CD300A: variants seen among roughly 807,000 people sequenced by gnomAD.
CD300A encodes the protein CD300a molecule, also known as CMRF35-like molecule 8.
Under a neutral mutation model 33.6 loss-of-function variants are expected in CD300A, and 22 were observed. The observed-to-expected ratio is 0.66, with a 90% CI of 0.47 to 0.94. The LOEUF is 0.94. Ranked by LOEUF, CD300A falls within the 40% of genes least tolerant of loss-of-function variation. The pLI, the probability that CD300A is intolerant of heterozygous loss-of-function variation, is 0.00. For synonymous variants in CD300A, 136 were observed against 148.1 expected (o/e 0.92, Z 0.59); for missense variants, 326 against 360.5 (o/e 0.90, Z 0.77).
intron 1 of CD300A, among the ~76,000 whole-genome samples, chr17:74,469,773 C>T (rs939273785): frequency 6.6e-6 from 1 of 152,016 alleles, no homozygotes; most frequent in Non-Finnish European, 1.5e-5. Context: ...TGCAGTGAGC[C>T]GAGATCATGC....
chr17:74,469,895 A>G (rs1905981723), intron 1 of CD300A: 1 of 886,412 alleles, frequency 1.1e-6, no homozygotes, highest in South Asian at 5.2e-5. Context: ...GTATATACTA[A>G]CTCCACTGTT....
chr17:74,471,489 A>C (rs1428418697), intron 1 of CD300A, among the ~76,000 whole-genome samples: 1 of 152,244 alleles, frequency 6.6e-6, no homozygotes, highest in Non-Finnish European at 1.5e-5. Context: ...CAAAGGCCAT[A>C]TGAGTCAGGG....
At chr17:74,469,510 TCTGA>T (rs1343651050) in intron 1 of CD300A, among the ~76,000 whole-genome samples, 1 of 152,212 alleles carries the variant, frequency 6.6e-6, no homozygotes, top group Non-Finnish European at 1.5e-5. Context: ...TTATTTTTGG[TCTGA>T]CTACCTACTA....
At position 74,477,435 on chromosome 17, in the gene CD300A, GGCTCCCGCT is replaced by G. The variant is rs1906542805; in HGVS notation, c.539_547del (p.Pro180_Leu182del). On this transcript the variant is annotated inframe_deletion and splice_region_variant, in exon 4 of 7. Coordinates refer to ENST00000360141, the MANE Select transcript of CD300A (RefSeq NM_007261.4). ...CCCTTACCATCCTGTGCCTCCTCCA[GGCTCCCGCT>G]GCTCCTCTCCCTGCTGGCATTGTTG... The G allele has an allele frequency of 6.2e-7, 1 of 1,612,938 alleles. No homozygotes were observed. Among genetic ancestry groups the G allele is most frequent in the Non-Finnish European group, 8.5e-7 (1 of 1,179,338 alleles).
chr17:74,473,234 T>C (rs1354885022), intron 1 of CD300A, among the ~76,000 whole-genome samples: 1 of 151,976 alleles, frequency 6.6e-6, no homozygotes, highest in Non-Finnish European at 1.5e-5. Flanking sequence ...GGGGCTGATA[T>C]GAGGTGAAGG....
intron 2 of CD300A, 118 bp from the exon 3 acceptor site, chr17:74,474,414 T>C: frequency 9.7e-7 from 1 of 1,031,004 alleles, no homozygotes; most frequent in Non-Finnish European, 1.5e-6. Flanking sequence ...CCCAGGGTCC[T>C]GCATCCTGCC....
intron 5 of CD300A, 78 bp from the exon 6 acceptor site, chr17:74,481,648 G>C (rs773689226): frequency 3.0e-6 from 3 of 1,013,474 alleles, no homozygotes; most frequent in Non-Finnish European, 4.5e-6. Flanking sequence ...ATAGAGGAAG[G>C]GGAGACACAT....
At chr17:74,481,201 G>C (rs555009594) in intron 4 of CD300A, 88 bp from the exon 5 acceptor site, 2 of 1,291,486 alleles carry the variant, frequency 1.5e-6, no homozygotes, top group East Asian at 2.3e-5. Flanking sequence ...GGTCTCTAGG[G>C]AAAGGCCTTT....
chr17:74,467,746 C>A (rs1192529768), intron 1 of CD300A, among the ~76,000 whole-genome samples: 1 of 152,208 alleles, frequency 6.6e-6, no homozygotes. Flanking sequence ...ACGGGTCATC[C>A]TCCCATAACA....
chr17:74,480,252 T>G lies in CD300A; in HGVS notation c.629-1037T>G, dbSNP rs1331458590. Among the ~76,000 whole-genome samples, 1 of 151,920 alleles carries G rather than the reference T, an allele frequency of 6.6e-6. No homozygotes were observed. Among genetic ancestry groups the G allele is most frequent in the Non-Finnish European group, 1.5e-5 (1 of 67,968 alleles). On this transcript the variant is annotated intron_variant, in intron 4 of 6. Transcript: ENST00000360141. The surrounding 1 kb of genome is among the most constrained non-coding windows in gnomAD (Gnocchi z 4.2). Reference sequence around the variant, plus strand: ...GGTCTTGTGTCTCCCAACCGTGGGCTCCTCCCCTTTAATTCTGGGGGAGGA... The same window carrying G: ...GGTCTTGTGTCTCCCAACCGTGGGCGCCTCCCCTTTAATTCTGGGGGAGGA...
At chr17:74,482,082 C>T (rs956129544) in intron 6 of CD300A, among the ~76,000 whole-genome samples, 1 of 152,102 alleles carries the variant, frequency 6.6e-6, no homozygotes, top group African/African-American at 2.4e-5. Context: ...CCGTGAAGTC[C>T]AGCATGGGTT....
At chr17:74,479,526 G>C (rs1013847930) in intron 4 of CD300A, among the ~76,000 whole-genome samples, 1 of 152,170 alleles carries the variant, frequency 6.6e-6, no homozygotes, top group Non-Finnish European at 1.5e-5. Context: ...ACCACACCCA[G>C]TCATGCATCT....
intron 4 of CD300A, among the ~76,000 whole-genome samples, chr17:74,479,149 C>T (rs1906671914): frequency 6.6e-6 from 1 of 152,170 alleles, no homozygotes; most frequent in African/African-American, 2.4e-5. Context: ...CTAAAAACCC[C>T]ACCACCTAGA....
At chr17:74,478,960 C>T (rs945349394) in intron 4 of CD300A, among the ~76,000 whole-genome samples, 1 of 152,244 alleles carries the variant, frequency 6.6e-6, no homozygotes, top group Non-Finnish European at 1.5e-5. Context: ...GTGGATGCCA[C>T]TGGGTTGTCT....
chr17:74,472,757 A>G (rs766794246), intron 1 of CD300A, among the ~76,000 whole-genome samples: 77 of 152,102 alleles, frequency 5.1e-4, no homozygotes, highest in South Asian at 1.5e-3. Context: ...TTACAGGCGC[A>G]TGCCACCACG....
rs1362208991 is a variant in CD300A at position 74,480,674 on chromosome 17, T to A, written c.629-615T>A. ...TGGCATCCTTCCTCCCCTGGAAACA[T>A]TTGTGTGAGATCCCGTGTTGAGAGC... On this transcript the variant is annotated intron_variant, in intron 4 of 6. Transcript: ENST00000360141. The surrounding 1 kb of genome is among the most constrained non-coding windows in gnomAD (Gnocchi z 4.2). Among the ~76,000 whole-genome samples, 1 of 152,152 alleles carries A rather than the reference T, an allele frequency of 6.6e-6. No individual in the cohort carries two copies. Among genetic ancestry groups the A allele is most frequent in the Non-Finnish European group, 1.5e-5 (1 of 68,018 alleles).
chr17:74,484,163 C>T lies in CD300A; in HGVS notation c.*37C>T. On this transcript the variant is annotated 3_prime_UTR_variant, in exon 7 of 7. Coordinates refer to ENST00000360141, the MANE Select transcript of CD300A (RefSeq NM_007261.4). The stretch of plus-strand genomic sequence containing the variant: ...GCCTCGCCATCGGAGCTCTCATGGG[C>T]CCCAGGAAGTCCAGGGACAGCTCCC... 1 of 1,608,396 alleles carries T rather than the reference C, an allele frequency of 6.2e-7. No homozygotes were observed. The highest frequency in any genetic ancestry group is 8.5e-7 in the Non-Finnish European group (1 of 1,176,676).
At chr17:74,470,132 C>T (rs763538098) in intron 1 of CD300A, 65 of 985,204 alleles carry the variant, frequency 6.6e-5, no homozygotes, top group Non-Finnish European at 7.7e-5. Flanking sequence ...CAAGGTGGTC[C>T]CCAGTCTCCT....
intron 4 of CD300A, among the ~76,000 whole-genome samples, chr17:74,478,048 C>T (rs569400677): frequency 1.1e-4 from 16 of 152,292 alleles, no homozygotes; most frequent in East Asian, 5.8e-4. Flanking sequence ...TCTCCCCATC[C>T]GCGCACCCTG....
Sources: allele counts gnomAD v4.1 joint callset (sites outside exome capture counted in the v4.1 genomes callset), GRCh38; gene constraint gnomAD v4.1.1; non-coding constraint Gnocchi (gnomAD v3.1); transcripts MANE v1.5; gene names NCBI Gene and HGNC (gene_info 2026-07-23, HGNC 2026-07-21).